The following WDHD1 variants were observed in gnomAD, a reference collection of about 807,000 sequenced individuals.
The protein encoded by WDHD1 is WD repeat and HMG-box DNA-binding protein 1.
A neutral mutation model predicts 135.4 loss-of-function variants in WDHD1; 111 were observed. The ratio of observed to expected loss-of-function variants is 0.82; its 90% CI spans 0.70 to 0.96. The LOEUF (loss-of-function observed/expected upper bound fraction) is 0.96, where lower values mean the gene tolerates loss of function less well. Ranked by LOEUF, WDHD1 falls within the 40% of genes least tolerant of loss-of-function variation. The probability of loss-of-function intolerance (pLI) is 0.00; values close to 1 mark genes in which losing one functional copy is unlikely to be tolerated. For synonymous variants in WDHD1, 434 were observed against 439.0 expected (o/e 0.99, Z 0.14); for missense variants, 1,351 against 1,336.3 (o/e 1.01, Z -0.17).
Position 55,008,410 on chromosome 14 carries a change from T to C in WDHD1, c.454-44A>G, listed in dbSNP as rs762269977. 1.3e-5 allele frequency: 20 copies of C among 1,577,132 alleles called. No homozygotes were observed. The East Asian group carries it at 3.1e-4, about 25-fold the overall frequency. ...CATTTCTCTATAGTCATAGCCATAA[T>C]ACTACATGGAAAGTGGTTCAATTAA... is the stretch of plus-strand genomic sequence containing the variant. On this transcript the variant is annotated intron_variant, in intron 5 of 25. Coordinates refer to ENST00000360586, the MANE Select transcript of WDHD1 (RefSeq NM_007086.4).
At position 55,013,574 on chromosome 14, in the gene WDHD1, C is replaced by T; in HGVS notation, c.100G>A (p.Asp34Asn). 1 of 1,613,940 alleles carries T rather than the reference C, an allele frequency of 6.2e-7. No individual in the cohort carries two copies. The highest frequency in any genetic ancestry group is 8.5e-7 in the Non-Finnish European group (1 of 1,179,862). Residue 34 changes from aspartate (D) to asparagine (N), a missense_variant, in exon 3 of 26, where the codon GAT (aspartate) becomes AAT (asparagine). Transcript: ENST00000360586. ...SGSFIVTCGS[D>N]GDVRIWEDLD... is the part of the protein sequence containing the mutation. Reference sequence around the variant, plus strand: ...TCTTCCCAAATCCTCACATCACCATCACTTCCACAAGTCACAATAAAACTG... The same window carrying T: ...TCTTCCCAAATCCTCACATCACCATTACTTCCACAAGTCACAATAAAACTG...
In WDHD1 at chr14:54,995,692, T is replaced by A. The variant is rs542713849; in HGVS notation, c.1064A>T (p.Asn355Ile). The A allele has an allele frequency of 9.9e-6, 16 of 1,613,900 alleles. No individual in the cohort carries two copies. In the East Asian group the frequency reaches 3.3e-4, roughly 34 times the overall value. ...GAGGTCTTCATCATCCTCATCATCA[T>A]TTATAATCCCTTTTGAAAAAGAAGG... ...EIPSFSKGIINDDEDDEDLMM... is the reference protein window; with the variant it reads ...EIPSFSKGIIIDDEDDEDLMM... Residue 355 changes from asparagine (N) to isoleucine (I), a missense_variant, in exon 11 of 26, where the codon AAT (asparagine) becomes ATT (isoleucine). Coordinates refer to ENST00000360586, the MANE Select transcript of WDHD1 (RefSeq NM_007086.4).
chr14:54,989,251 C>T (rs1301762930), intron 12 of WDHD1, 39 bp from the exon 13 acceptor site: 1 of 1,503,218 alleles, frequency 6.7e-7, no homozygotes, highest in East Asian at 2.3e-5. Context: ...CTGAGAAAAA[C>T]TGAAGCTCCT....
rs1214412761 is a variant in WDHD1 at position 54,941,392 on chromosome 14, T to C, written c.*98A>G. On this transcript the variant is annotated 3_prime_UTR_variant, in exon 26 of 26. Coordinates refer to ENST00000360586, the MANE Select transcript of WDHD1 (RefSeq NM_007086.4). ...AGACAAACAGTTGCTTCAAACTCTT[T>C]AAAAAATATATATATAATGAGTTTC... 47 of 1,029,544 alleles carry C rather than the reference T, an allele frequency of 4.6e-5. No individual in the cohort carries two copies. Among genetic ancestry groups the C allele is most frequent in the Non-Finnish European group, 6.1e-5 (45 of 735,932 alleles). 63.8% of individuals were successfully genotyped at this position (1,029,544 alleles called of 1,614,324 possible). A position where few individuals can be genotyped will look rare whatever the true frequency, so the allele number is the denominator to read the frequency against.
intron 10 of WDHD1, among the ~76,000 whole-genome samples, chr14:54,999,873 T>G (rs2041951348): frequency 6.6e-6 from 1 of 152,198 alleles, no homozygotes. Context: ...GGATTACAGG[T>G]GTGAGTCACT....
intron 15 of WDHD1, among the ~76,000 whole-genome samples, chr14:54,984,478 G>C (rs1016487682): frequency 6.6e-6 from 1 of 152,154 alleles, no homozygotes; most frequent in Non-Finnish European, 1.5e-5. Context: ...CTGGACAACA[G>C]AGCCAGACCC....
chr14:55,023,848 AC>A (rs1438392118), intron 2 of WDHD1, among the ~76,000 whole-genome samples: 1 of 152,208 alleles, frequency 6.6e-6, no homozygotes, highest in East Asian at 1.9e-4. Flanking sequence ...ACGATTTAAC[AC>A]TGCATCTTTA....
chr14:54,991,661 T>G (rs1265665606), intron 11 of WDHD1, among the ~76,000 whole-genome samples: 1 of 152,174 alleles, frequency 6.6e-6, no homozygotes, highest in Non-Finnish European at 1.5e-5. Context: ...TCACTTGCAG[T>G]AAAAATATTA....
chr14:55,017,226 G>A (rs1170959585), intron 2 of WDHD1, among the ~76,000 whole-genome samples: 1 of 152,168 alleles, frequency 6.6e-6, no homozygotes. Flanking sequence ...GCAGTCCTGC[G>A]AAAGAAGTGC....
At chr14:54,951,137 T>C (rs540026260) in intron 24 of WDHD1, among the ~76,000 whole-genome samples, 1 of 151,850 alleles carries the variant, frequency 6.6e-6, no homozygotes, top group African/African-American at 2.4e-5. Context: ...AGGCAAGAAA[T>C]AACTGAGATC....
Position 55,027,062 on chromosome 14 carries a change from A to G in WDHD1, c.-51T>C, listed in dbSNP as rs532651325. 25 of 437,638 alleles carry G rather than the reference A, an allele frequency of 5.7e-5. No individual in the cohort carries two copies. The highest frequency in any genetic ancestry group is 4.3e-4 in the African/African-American group (22 of 50,746). The allele number at this position is 437,638 out of a possible 1,614,324, so 27.1% of individuals were successfully genotyped here. On this transcript the variant is annotated 5_prime_UTR_variant, in exon 1 of 26. Coordinates refer to ENST00000360586, the MANE Select transcript of WDHD1 (RefSeq NM_007086.4). ...CGAGCCTCCGCCACTGAGGATCCAC[A>G]AGAGCTGCTTCCCGCGCTTCGGCTC...
At chr14:54,979,203 G>A (rs867060102) in intron 16 of WDHD1, among the ~76,000 whole-genome samples, 1 of 152,124 alleles carries the variant, frequency 6.6e-6, no homozygotes, top group African/African-American at 2.4e-5. Flanking sequence ...CTAGACAGGA[G>A]TGCAGAGGTG....
chr14:54,995,838 AAAGT>A, intron 10 of WDHD1, 25 bp from the exon 11 acceptor site: 1 of 1,479,224 alleles, frequency 6.8e-7, no homozygotes, highest in Non-Finnish European at 9.0e-7. Flanking sequence ...TACAAATTAT[AAAGT>A]AAAAGTGAAT....
chr14:54,957,890 G>A (rs1440818800), intron 21 of WDHD1, among the ~76,000 whole-genome samples: 1 of 152,140 alleles, frequency 6.6e-6, no homozygotes, highest in African/African-American at 2.4e-5. Context: ...TGTTACTGCG[G>A]AAGAGTGGCA....
At chr14:54,977,732 G>A (rs2041548828) in intron 16 of WDHD1, among the ~76,000 whole-genome samples, 1 of 151,964 alleles carries the variant, frequency 6.6e-6, no homozygotes, top group Non-Finnish European at 1.5e-5. Context: ...TAGTATAGAC[G>A]GTTTCTAAAA....
rs372262461 is a variant in WDHD1 at position 54,987,380 on chromosome 14, G to A, written c.1534C>T (p.His512Tyr). Residue 512 changes from histidine (H) to tyrosine (Y), a missense_variant, in exon 14 of 26, where the codon CAC becomes TAC. His to Tyr is a moderately conservative substitution (Grantham distance 83). Transcript: ENST00000360586. ...TCCCAAGAACTAAAGTGCAGGCAGT[G>A]AAGCTTGCTAAAAATTAAAACAAGA... ...ESTDELASKLHCLHFSSWDSS... is the reference protein window; with the variant it reads ...ESTDELASKLYCLHFSSWDSS... 6.2e-6 allele frequency: 10 copies of A among 1,610,520 alleles called. No individual in the cohort carries two copies. In the African/African-American group the frequency reaches 6.7e-5, roughly 11 times the overall value.
chr14:54,941,935 T>C (rs533427771), intron 25 of WDHD1, among the ~76,000 whole-genome samples: 8 of 152,260 alleles, frequency 5.3e-5, no homozygotes, highest in African/African-American at 1.7e-4. Context: ...TGCAAAATAC[T>C]ATAATTGCAG....
At chr14:54,975,206 C>T (rs1174720588) in intron 16 of WDHD1, among the ~76,000 whole-genome samples, 1 of 152,096 alleles carries the variant, frequency 6.6e-6, no homozygotes, top group Non-Finnish European at 1.5e-5. Flanking sequence ...GACTGTAACA[C>T]AGCAAAATTT....
intron 7 of WDHD1, chr14:55,004,950 C>A: frequency 1.9e-6 from 1 of 537,730 alleles, no homozygotes; most frequent in South Asian, 1.4e-5. Flanking sequence ...CACCTGCACA[C>A]CATCAGACCA....
Sources: allele counts gnomAD v4.1 joint callset (sites outside exome capture counted in the v4.1 genomes callset), GRCh38; gene constraint gnomAD v4.1.1; transcripts MANE v1.5; gene names NCBI Gene and HGNC (gene_info 2026-07-23, HGNC 2026-07-21).